ITGA9: variants seen among roughly 807,000 people sequenced by gnomAD.
ITGA9 encodes the protein integrin alpha-9.
ITGA9 carries 56 observed loss-of-function variants against 127.8 expected under a neutral mutation model. The ratio of observed to expected loss-of-function variants is 0.44; its 90% CI spans 0.35 to 0.55. The LOEUF is 0.55. ITGA9 is among the 20% of genes least tolerant of loss of function. The pLI is 0.00. For missense variants in ITGA9, 1,196 were observed against 1,347.1 expected, an observed-to-expected ratio of 0.89 and a Z score of 1.76; for synonymous variants, 508 against 514.5, an observed-to-expected ratio of 0.99 and a Z score of 0.17.
chr3:37,729,584 A>T (rs1696260818), intron 18 of ITGA9, among the ~76,000 whole-genome samples: 1 of 152,172 alleles, frequency 6.6e-6, no homozygotes, highest in Non-Finnish European at 1.5e-5. Flanking sequence ...CTGTTGTCTT[A>T]GGTCAAAGCT....
At chr3:37,483,875 G>A (rs533751627) in intron 4 of ITGA9, among the ~76,000 whole-genome samples, 1 of 152,324 alleles carries the variant, frequency 6.6e-6, no homozygotes, top group South Asian at 2.1e-4. Context: ...AACAATAAAT[G>A]GTGGAGCAGG....
In ITGA9 at chr3:37,506,016, T is replaced by C; in HGVS notation, c.759T>C (p.Ala253=). 1 of 1,608,216 alleles carries C rather than the reference T, an allele frequency of 6.2e-7. No homozygotes were observed. The highest frequency in any genetic ancestry group is 8.5e-7 in the Non-Finnish European group (1 of 1,177,464). Residue 253 remains alanine (A), a synonymous_variant, in exon 7 of 28, where the codon GCT becomes GCC. Transcript: ENST00000264741. ...CCTGTTCAGGCTACGCAGTGACCGC[T>C]GGCCACTTCTCTCACCCGTCCACCA... ...RYTYLGYAVT[A]GHFSHPSTID...
At chr3:37,803,011 A>G (rs1227588490) in intron 26 of ITGA9, among the ~76,000 whole-genome samples, 1 of 152,206 alleles carries the variant, frequency 6.6e-6, no homozygotes, top group African/African-American at 2.4e-5. Flanking sequence ...AGGCCCTACC[A>G]TGAGACCCAA....
intron 17 of ITGA9, among the ~76,000 whole-genome samples, chr3:37,678,920 G>A (rs1700708115): frequency 6.6e-6 from 1 of 152,174 alleles, no homozygotes; most frequent in Non-Finnish European, 1.5e-5. Flanking sequence ...GATGTCATCA[G>A]TAACATCTTC....
intron 26 of ITGA9, among the ~76,000 whole-genome samples, chr3:37,786,454 C>T (rs922792095): frequency 6.6e-6 from 1 of 152,164 alleles, no homozygotes; most frequent in South Asian, 2.1e-4. Flanking sequence ...ATTAGCCAGT[C>T]GTGGTGGTAG....
At chr3:37,668,350 G>A (rs566788623) in intron 17 of ITGA9, among the ~76,000 whole-genome samples, 2 of 152,182 alleles carry the variant, frequency 1.3e-5, no homozygotes, top group South Asian at 2.1e-4. Flanking sequence ...TTTTTGGGCA[G>A]TGTTTTCCTT....
At chr3:37,484,029 G>GTGAC (rs1698583569) in intron 4 of ITGA9, among the ~76,000 whole-genome samples, 1 of 152,216 alleles carries the variant, frequency 6.6e-6, no homozygotes, top group Non-Finnish European at 1.5e-5. Flanking sequence ...GCAAGAAAGG[G>GTGAC]TGACTGAACT....
intron 15 of ITGA9, among the ~76,000 whole-genome samples, chr3:37,604,839 C>A (rs1310626902): frequency 6.6e-6 from 1 of 152,118 alleles, no homozygotes; most frequent in Non-Finnish European, 1.5e-5. Flanking sequence ...GAGAGGCTTC[C>A]TCTCCCCTTC....
At chr3:37,612,930 A>C (rs2125626644) in intron 15 of ITGA9, among the ~76,000 whole-genome samples, 1 of 151,926 alleles carries the variant, frequency 6.6e-6, no homozygotes, top group Admixed American at 6.6e-5. Context: ...CTGAGCCTTA[A>C]GACTTATTTG....
intron 15 of ITGA9, among the ~76,000 whole-genome samples, chr3:37,623,394 A>G (rs80043903): frequency 0.089 from 13,537 of 152,112 alleles, 738 homozygotes; most frequent in Middle Eastern, 0.15. Flanking sequence ...CAGCTTAGAA[A>G]CTCAAGAACT....
At chr3:37,733,716 A>G (rs1392672988) in intron 19 of ITGA9, among the ~76,000 whole-genome samples, 1 of 152,186 alleles carries the variant, frequency 6.6e-6, no homozygotes, top group African/African-American at 2.4e-5. Context: ...CATAAGCCCC[A>G]TTGAATGCAC....
At chr3:37,604,674 C>T (rs1699951179) in intron 15 of ITGA9, among the ~76,000 whole-genome samples, 1 of 152,200 alleles carries the variant, frequency 6.6e-6, no homozygotes, top group African/African-American at 2.4e-5. Flanking sequence ...CTTTTCTTTA[C>T]TCACTGTCGA....
chr3:37,580,503 G>A (rs1045592272), intron 15 of ITGA9, among the ~76,000 whole-genome samples: 4 of 152,198 alleles, frequency 2.6e-5, no homozygotes, highest in African/African-American at 7.2e-5. Context: ...CTAGGGAAAG[G>A]GGAAAAATCA....
intron 18 of ITGA9, among the ~76,000 whole-genome samples, chr3:37,693,977 T>G (rs769954330): frequency 6.6e-6 from 1 of 152,260 alleles, no homozygotes; most frequent in African/African-American, 2.4e-5. Context: ...ATGAACTTGC[T>G]GCTTGCCCTG....
At chr3:37,496,038 G>GT (rs1698724711) in intron 5 of ITGA9, among the ~76,000 whole-genome samples, 1 of 152,114 alleles carries the variant, frequency 6.6e-6, no homozygotes, top group Admixed American at 6.5e-5. Flanking sequence ...GACATGGGGG[G>GT]TGGAGGGAGG....
chr3:37,689,213 C>T (rs1204239305), intron 18 of ITGA9, among the ~76,000 whole-genome samples: 1 of 152,214 alleles, frequency 6.6e-6, no homozygotes, highest in Non-Finnish European at 1.5e-5. Flanking sequence ...AAAATATCCC[C>T]TGCAATGGAT....
intron 18 of ITGA9, among the ~76,000 whole-genome samples, chr3:37,709,795 G>T (rs1701058230): frequency 6.6e-6 from 1 of 152,220 alleles, no homozygotes; most frequent in African/African-American, 2.4e-5. Context: ...TGAGAAGATA[G>T]GTTTTGGAAA....
At chr3:37,480,416 C>T (rs780449621) in intron 3 of ITGA9, among the ~76,000 whole-genome samples, 1 of 152,196 alleles carries the variant, frequency 6.6e-6, no homozygotes, top group Non-Finnish European at 1.5e-5. Flanking sequence ...AGCTCTCATG[C>T]ACCCCAAGAC....
chr3:37,569,707 ACACC>A (rs1699582283), intron 15 of ITGA9, among the ~76,000 whole-genome samples: 1 of 152,250 alleles, frequency 6.6e-6, no homozygotes, highest in African/African-American at 2.4e-5. Context: ...TGGAAATTCT[ACACC>A]TTACCTCATG....
Sources: allele counts gnomAD v4.1 joint callset (sites outside exome capture counted in the v4.1 genomes callset), GRCh38; gene constraint gnomAD v4.1.1; transcripts MANE v1.5; gene names NCBI Gene and HGNC (gene_info 2026-07-23, HGNC 2026-07-21).